Variants in DNAH6 observed in about 807,000 individuals in gnomAD.
The protein encoded by DNAH6 is dynein axonemal heavy chain 6, also known as axonemal beta dynein heavy chain 6.
Under a neutral mutation model 491.4 loss-of-function variants are expected in DNAH6, and 340 were observed. That is an observed-to-expected ratio of 0.69 (90% CI 0.63 to 0.76). DNAH6 has a LOEUF of 0.76. Among genes scored for constraint, DNAH6 ranks in the 30% least tolerant of loss-of-function variants. The pLI, the probability that DNAH6 is intolerant of heterozygous loss-of-function variation, is 0.00. For missense variants in DNAH6, 4,443 were observed against 4,972.2 expected (o/e 0.89, Z 3.20); for synonymous variants, 1,603 against 1,686.1 (o/e 0.95, Z 1.21).
chr2:84,478,128 G>A, the DNAH6 span, among the ~76,000 whole-genome samples: 7 of 152,172 alleles, frequency 4.6e-5, no homozygotes, highest in Admixed American at 2.0e-4. Context: ...GGATTAGGGA[G>A]CTTGTATCCT....
At chr2:84,721,913 G>T (rs1220968847) in intron 59 of DNAH6, among the ~76,000 whole-genome samples, 1 of 152,184 alleles carries the variant, frequency 6.6e-6, no homozygotes, top group South Asian at 2.1e-4. Flanking sequence ...AACAGTGGGG[G>T]AAGAGAGAGG....
chr2:84,471,016 A>G, the DNAH6 span, among the ~76,000 whole-genome samples: 2 of 152,174 alleles, frequency 1.3e-5, no homozygotes, highest in Non-Finnish European at 2.9e-5. Flanking sequence ...TATATGGAAC[A>G]TGTTCTGCTA....
At chr2:84,771,762 A>G (rs913560602) in intron 64 of DNAH6, among the ~76,000 whole-genome samples, 2 of 152,264 alleles carry the variant, frequency 1.3e-5, no homozygotes, top group African/African-American at 4.8e-5. Context: ...AATTTAAGAT[A>G]TTCCCAGATA....
chr2:84,807,749 A>C (rs983082660), intron 71 of DNAH6, among the ~76,000 whole-genome samples: 5 of 152,148 alleles, frequency 3.3e-5, no homozygotes, highest in African/African-American at 1.2e-4. Context: ...AAAGCCAGGC[A>C]CACCTTCCTA....
chr2:84,465,598 T>C, the DNAH6 span, among the ~76,000 whole-genome samples: 1 of 152,178 alleles, frequency 6.6e-6, no homozygotes, highest in Non-Finnish European at 1.5e-5. Context: ...CAAGTAAAGT[T>C]ATTCCAAGAA....
rs1689283646 is a variant in DNAH6 at position 84,640,473 on chromosome 2, C to G, written c.4865C>G (p.Ala1622Gly). The change falls in exon 32 of 77, where the codon GCA (alanine) becomes GGA (glycine). Residue 1622 changes from alanine (A) to glycine (G), a missense_variant. By Grantham distance (60) the Ala-to-Gly change is moderately conservative. Coordinates refer to ENST00000389394, the MANE Select transcript of DNAH6 (RefSeq NM_001370.2). Reference protein sequence around the residue: ...SEGFESSKILARKMTQMYKLC... With the variant: ...SEGFESSKILGRKMTQMYKLC... Reference sequence around the variant, plus strand: ...GGATTTGAATCCAGTAAAATATTAGCAAGAAAAATGACTCAGATGTATAAG... The same window carrying G: ...GGATTTGAATCCAGTAAAATATTAGGAAGAAAAATGACTCAGATGTATAAG... 6.5e-7 allele frequency: 1 copy of G among 1,543,042 alleles called. No individual in the cohort carries two copies.
chr2:84,798,303 A>G (rs1283213390), intron 70 of DNAH6, among the ~76,000 whole-genome samples: 1 of 152,120 alleles, frequency 6.6e-6, no homozygotes, highest in Non-Finnish European at 1.5e-5. Flanking sequence ...CTTGGACTGG[A>G]CCTAAAGAAG....
chr2:84,464,491 G>T, the DNAH6 span, among the ~76,000 whole-genome samples: 1 of 152,162 alleles, frequency 6.6e-6, no homozygotes, highest in Admixed American at 6.5e-5. Context: ...AAGTCCACAG[G>T]GCAAAGTGAA....
At chr2:84,801,989 C>G (rs1055533295) in intron 70 of DNAH6, among the ~76,000 whole-genome samples, 1 of 152,070 alleles carries the variant, frequency 6.6e-6, no homozygotes, top group South Asian at 2.1e-4. Context: ...CAAATAAAAT[C>G]TTTCCCAAGC....
At chr2:84,806,823 C>T (rs1573868735) in intron 71 of DNAH6, among the ~76,000 whole-genome samples, 1 of 152,094 alleles carries the variant, frequency 6.6e-6, no homozygotes, top group Admixed American at 6.5e-5. Flanking sequence ...GAAAAGGAGC[C>T]TTGTGGTTTC....
chr2:84,634,851 A>T (rs1435381713), intron 30 of DNAH6, among the ~76,000 whole-genome samples: 1 of 152,182 alleles, frequency 6.6e-6, no homozygotes, highest in Non-Finnish European at 1.5e-5. Flanking sequence ...TGTTATTTAA[A>T]ATTTGTTTTA....
chr2:84,644,191 T>C (rs1297685902), intron 33 of DNAH6, among the ~76,000 whole-genome samples: 3 of 152,080 alleles, frequency 2.0e-5, no homozygotes, highest in Non-Finnish European at 4.4e-5. Flanking sequence ...TGGCCTAGAG[T>C]TGGGTAATTC....
chr2:84,650,697 G>A (rs1690375692), intron 33 of DNAH6, among the ~76,000 whole-genome samples: 1 of 152,056 alleles, frequency 6.6e-6, no homozygotes, highest in African/African-American at 2.4e-5. Context: ...GGCCAGCCTG[G>A]GCAGTATAGT....
intron 68 of DNAH6, among the ~76,000 whole-genome samples, chr2:84,795,760 G>A (rs1678283638): frequency 1.3e-5 from 2 of 152,252 alleles, no homozygotes; most frequent in Non-Finnish European, 2.9e-5. Context: ...TCTGTGGAAA[G>A]AGAGATGGGA....
At chr2:84,680,345 A>G (rs1230464744) in intron 41 of DNAH6, among the ~76,000 whole-genome samples, 1 of 152,014 alleles carries the variant, frequency 6.6e-6, no homozygotes, top group Non-Finnish European at 1.5e-5. Flanking sequence ...AACAATAATG[A>G]TTTTTCCAAG....
chr2:84,533,443 T>G (rs770017765), intron 4 of DNAH6, among the ~76,000 whole-genome samples: 2 of 152,146 alleles, frequency 1.3e-5, no homozygotes, highest in Non-Finnish European at 2.9e-5. Context: ...ATGTTCAATA[T>G]TTTGAGTAGA....
chr2:84,694,587 T>A, intron 46 of DNAH6, 107 bp downstream of exon 46: 1 of 728,792 alleles, frequency 1.4e-6, no homozygotes, highest in Non-Finnish European at 2.3e-6. Context: ...GATTGTTCCC[T>A]TTGATAACAG....
intron 21 of DNAH6, among the ~76,000 whole-genome samples, chr2:84,610,642 A>G (rs1336719600): frequency 6.6e-6 from 1 of 152,214 alleles, no homozygotes; most frequent in African/African-American, 2.4e-5. Context: ...GACTTCAGAT[A>G]TTTAGCTTGA....
chr2:84,471,624 G>A, the DNAH6 span, among the ~76,000 whole-genome samples: 1 of 152,136 alleles, frequency 6.6e-6, no homozygotes. Flanking sequence ...GCTCATACAG[G>A]GGTAACCCCA....
Sources: allele counts gnomAD v4.1 joint callset (sites outside exome capture counted in the v4.1 genomes callset), GRCh38; gene constraint gnomAD v4.1.1; transcripts MANE v1.5; gene names NCBI Gene and HGNC (gene_info 2026-07-23, HGNC 2026-07-21).